SLC33A1: variants seen among roughly 807,000 people sequenced by gnomAD.
The protein encoded by SLC33A1 is acetyl-coenzyme A transporter 1.
A neutral mutation model predicts 50.0 loss-of-function variants in SLC33A1; 20 were observed. That is an observed-to-expected ratio of 0.40 (90% CI 0.28 to 0.58). The LOEUF (loss-of-function observed/expected upper bound fraction) is 0.58. Ranked by LOEUF, SLC33A1 falls within the 20% of genes least tolerant of loss-of-function variation. The probability of loss-of-function intolerance (pLI) is 0.44; values close to 1 mark genes in which losing one functional copy is unlikely to be tolerated. For missense variants in SLC33A1, 476 were observed against 657.0 expected, an observed-to-expected ratio of 0.72 and a Z score of 3.01; for synonymous variants, 265 against 251.8, an observed-to-expected ratio of 1.05 and a Z score of -0.50.
In SLC33A1 at chr3:155,854,120, G is replaced by A. The variant is rs1753531178; in HGVS notation, c.-123C>T. ...TTCGGTGGTTCACGGGATGGTGGCAGGGCTCAGAGCGATAAGGGCACTTCT... is the reference window on the plus strand; with the variant it reads ...TTCGGTGGTTCACGGGATGGTGGCAAGGCTCAGAGCGATAAGGGCACTTCT... On this transcript the variant is annotated 5_prime_UTR_variant, in exon 1 of 6. Coordinates refer to ENST00000643144, the MANE Select transcript of SLC33A1 (RefSeq NM_004733.4). The A allele has an allele frequency of 2.6e-6, 2 of 758,126 alleles. No homozygotes were observed. The highest frequency in any genetic ancestry group is 6.3e-5 in the Admixed American group (2 of 31,730). 47.0% of individuals were successfully genotyped at this position (758,126 alleles called of 1,614,324 possible).
chr3:155,854,309 G>C lies in SLC33A1; in HGVS notation c.-312C>G. The C allele has an allele frequency of 3.6e-6, 1 of 281,584 alleles. No individual in the cohort carries two copies. The highest frequency in any genetic ancestry group is 6.6e-6 in the Non-Finnish European group (1 of 150,546). 17.4% of individuals were successfully genotyped at this position (281,584 alleles called of 1,614,324 possible). On this transcript the variant is annotated 5_prime_UTR_variant, in exon 1 of 6. Transcript: ENST00000643144. The stretch of plus-strand genomic sequence containing the variant: ...AGGTGTGTGCCGTGGTGCCAGGATG[G>C]AAACCAGCTCCTACCTGCGGCGGGA...
intron 1 of SLC33A1, among the ~76,000 whole-genome samples, chr3:155,850,649 C>T (rs1283714867): frequency 1.3e-5 from 2 of 150,788 alleles, no homozygotes; most frequent in South Asian, 4.2e-4. Flanking sequence ...TGGAGCCTTG[C>T]TCTGCCGCCT....
At chr3:155,853,118 C>G in intron 1 of SLC33A1, 105 bp downstream of exon 1, 2 of 1,045,954 alleles carry the variant, frequency 1.9e-6, no homozygotes, top group South Asian at 1.4e-5. Context: ...CTTGAGTTAT[C>G]TCCCATACAA....
At chr3:155,849,332 A>C (rs996157356) in intron 1 of SLC33A1, among the ~76,000 whole-genome samples, 1 of 152,172 alleles carries the variant, frequency 6.6e-6, no homozygotes, top group Admixed American at 6.6e-5. Context: ...TTATATTTCC[A>C]TCATATAATT....
intron 2 of SLC33A1, among the ~76,000 whole-genome samples, chr3:155,835,012 G>A (rs1283693321): frequency 6.6e-6 from 1 of 152,156 alleles, no homozygotes; most frequent in African/African-American, 2.4e-5. Flanking sequence ...TATAAGGACT[G>A]TTATTGTGTA....
chr3:155,851,551 G>A (rs1173944138), intron 1 of SLC33A1, among the ~76,000 whole-genome samples: 5 of 146,568 alleles, frequency 3.4e-5, no homozygotes, highest in African/African-American at 2.5e-5. Context: ...GTGCCCAGTC[G>A]TGACTTATTT....
At position 155,827,897 on chromosome 3, in the gene SLC33A1, C is replaced by T. The variant is rs1036475391; in HGVS notation, c.*313G>A. 2.7e-5 allele frequency: 8 copies of T among 291,260 alleles called. No homozygotes were observed. The highest frequency in any genetic ancestry group is 1.8e-4 in the African/African-American group (8 of 45,066). The allele number at this position is 291,260 out of a possible 1,614,324, so 18.0% of individuals were successfully genotyped here. Reference sequence around the variant, plus strand: ...ACAATACCTGACTACATGGTTACCACCCGTGACTACTGCATTGCAGCTTAA... The same window carrying T: ...ACAATACCTGACTACATGGTTACCATCCGTGACTACTGCATTGCAGCTTAA... On this transcript the variant is annotated 3_prime_UTR_variant, in exon 6 of 6. Transcript: ENST00000643144.
rs377055189 is a variant in SLC33A1, at chr3:155,838,361, C to A, written c.963+4071G>T. On this transcript the variant is annotated intron_variant, in intron 2 of 5. Coordinates refer to ENST00000643144, the MANE Select transcript of SLC33A1 (RefSeq NM_004733.4). ...GGCCAGCCTGTATAGCAAAATGAGA[C>A]CCCCATCTCTACAGAAAATGTAAAA... Among the ~76,000 whole-genome samples the A allele has an allele frequency of 2.6e-5, 4 of 151,092 alleles. No individual in the cohort carries two copies. In the East Asian group the frequency reaches 7.8e-4, roughly 30 times the overall value.
At position 155,828,182 on chromosome 3, in the gene SLC33A1, C is replaced by A. The variant is rs375364029; in HGVS notation, c.*28G>T. 2.8e-5 allele frequency: 43 copies of A among 1,526,140 alleles called. No homozygotes were observed. The highest frequency in any genetic ancestry group is 3.6e-5 in the Non-Finnish European group (40 of 1,100,202). The allele number at this position is 1,526,140 out of a possible 1,614,324, so 94.5% of individuals were successfully genotyped here. The stretch of plus-strand genomic sequence containing the variant: ...CGAATTAAAACTAAACTACAATTAC[C>A]TTGCTAGAATGTCCAGTAGCATATA... On this transcript the variant is annotated 3_prime_UTR_variant, in exon 6 of 6. Coordinates refer to ENST00000643144, the MANE Select transcript of SLC33A1 (RefSeq NM_004733.4).
chr3:155,847,379 A>G lies in SLC33A1; in HGVS notation c.776-4760T>C, dbSNP rs970969339. Among the ~76,000 whole-genome samples the G allele has an allele frequency of 5.3e-5, 8 of 152,126 alleles. No individual in the cohort carries two copies. The East Asian group carries it at 1.5e-3, about 29-fold the overall frequency. ...CTAACAGGCATTTTGAGTCATATAA[A>G]TTATGTGTTCTGAAAGCAGGACAAA... On this transcript the variant is annotated intron_variant, in intron 1 of 5. Transcript: ENST00000643144.
At chr3:155,834,405 C>A (rs1752571051) in intron 2 of SLC33A1, among the ~76,000 whole-genome samples, 1 of 151,912 alleles carries the variant, frequency 6.6e-6, no homozygotes, top group South Asian at 2.1e-4. Context: ...TTAATTGACC[C>A]AAATCAATCT....
At chr3:155,834,828 C>A (rs939554945) in intron 2 of SLC33A1, among the ~76,000 whole-genome samples, 1 of 149,904 alleles carries the variant, frequency 6.7e-6, no homozygotes, top group Non-Finnish European at 1.5e-5. Flanking sequence ...ACCTGAATAA[C>A]CTCAACCCAA....
intron 2 of SLC33A1, 44 bp downstream of exon 2, chr3:155,842,388 G>A (rs373761577): frequency 8.0e-6 from 10 of 1,249,586 alleles, no homozygotes; most frequent in Non-Finnish European, 1.0e-5. Context: ...CCATGATATT[G>A]ATACTTATAA....
In SLC33A1 at chr3:155,854,108, G is replaced by C. The variant is rs1042200058; in HGVS notation, c.-111C>G. Reference sequence around the variant, plus strand: ...CTGGACCAGGGTTTCGGTGGTTCACGGGATGGTGGCAGGGCTCAGAGCGAT... The same window carrying C: ...CTGGACCAGGGTTTCGGTGGTTCACCGGATGGTGGCAGGGCTCAGAGCGAT... On this transcript the variant is annotated 5_prime_UTR_variant, in exon 1 of 6. Transcript: ENST00000643144. 1 of 851,466 alleles carries C rather than the reference G, an allele frequency of 1.2e-6. No individual in the cohort carries two copies. Among genetic ancestry groups the C allele is most frequent in the African/African-American group, 1.7e-5 (1 of 59,160 alleles). 52.7% of individuals were successfully genotyped at this position (851,466 alleles called of 1,614,324 possible).
At chr3:155,845,325 A>C (rs1191786787) in intron 1 of SLC33A1, among the ~76,000 whole-genome samples, 1 of 152,102 alleles carries the variant, frequency 6.6e-6, no homozygotes, top group African/African-American at 2.4e-5. Flanking sequence ...AGATAAGATT[A>C]TTTCTTTTTT....
At chr3:155,836,371 T>C (rs1752680931) in intron 2 of SLC33A1, among the ~76,000 whole-genome samples, 1 of 149,372 alleles carries the variant, frequency 6.7e-6, no homozygotes. Flanking sequence ...CGGTAACTTC[T>C]TGGAATAGAG....
chr3:155,847,954 T>C (rs1753244792), intron 1 of SLC33A1, among the ~76,000 whole-genome samples: 1 of 152,186 alleles, frequency 6.6e-6, no homozygotes, highest in South Asian at 2.1e-4. Context: ...CTTCCTTCTC[T>C]GTCATTAAAC....
chr3:155,831,457 C>CAAA (rs397991448), intron 4 of SLC33A1, among the ~76,000 whole-genome samples: 3,229 of 46,686 alleles, frequency 0.069, 509 homozygotes, highest in South Asian at 0.088. Flanking sequence ...GACTCTGTCT[C>CAAA]AAAAAAAAAA....
Position 155,827,528 on chromosome 3 carries a change from G to A in SLC33A1, c.*682C>T, listed in dbSNP as rs1752237680. ...GGGTAGGGGCAAGAGGAATCAATAA[G>A]TTTAAAAATCATAACTTTCATTTTA... On this transcript the variant is annotated 3_prime_UTR_variant, in exon 6 of 6. Transcript: ENST00000643144. 6.6e-6 allele frequency: 1 copy of A among 152,016 alleles called. No individual in the cohort carries two copies. The highest frequency in any genetic ancestry group is 2.4e-5 in the African/African-American group (1 of 41,394). The allele number at this position is 152,016 out of a possible 1,614,324, so 9.4% of individuals were successfully genotyped here.
Sources: gnomAD v4.1 joint callset for allele counts (sites outside exome capture counted in the v4.1 genomes callset) on GRCh38, gnomAD v4.1.1 for gene constraint, MANE v1.5 for transcripts, NCBI Gene and HGNC (gene_info 2026-07-23, HGNC 2026-07-21) for gene names.